The following CGN variants were observed in gnomAD, a reference collection of about 807,000 sequenced individuals.
CGN encodes the protein cingulin.
CGN carries 121 observed loss-of-function variants against 157.1 expected under a neutral mutation model. The ratio of observed to expected loss-of-function variants is 0.77; its 90% CI spans 0.66 to 0.90. The LOEUF is 0.90. Among genes scored for constraint, CGN ranks in the 40% least tolerant of loss-of-function variants. CGN has a pLI of 0.00. For synonymous variants in CGN, 535 were observed against 607.5 expected (o/e 0.88, Z 1.76); for missense variants, 1,424 against 1,520.9 (o/e 0.94, Z 1.06).
chr1:151,513,788 TAG>T (rs1344744534), intron 1 of CGN, among the ~76,000 whole-genome samples: 3 of 152,158 alleles, frequency 2.0e-5, no homozygotes, highest in African/African-American at 7.2e-5. Flanking sequence ...GGTACAGGTG[TAG>T]AGTGTTCTCC....
Position 151,524,977 on chromosome 1 carries a change from G to A in CGN, c.1614+91G>A. 9.5e-7 allele frequency: 1 copy of A among 1,049,510 alleles called. No individual in the cohort carries two copies. Among genetic ancestry groups the A allele is most frequent in the Non-Finnish European group, 1.4e-6 (1 of 711,212 alleles). The allele number at this position is 1,049,510 out of a possible 1,614,324, so 65.0% of individuals were successfully genotyped here. On this transcript the variant is annotated intron_variant, in intron 8 of 20. Coordinates refer to ENST00000271636, the MANE Select transcript of CGN (RefSeq NM_020770.3). The surrounding 1 kb of genome is among the most constrained non-coding windows in gnomAD (Gnocchi z 4.4). ...TTGGACTTTTGGACTTTTCATGGTT[G>A]CAACTGGGAACTCCCCCTCTCCTCC...
At position 151,527,055 on chromosome 1, in the gene CGN, A is replaced by G; in HGVS notation, c.1844A>G (p.Glu615Gly). Residue 615 changes from glutamate (E) to glycine (G), a missense_variant, in exon 10 of 21, where the codon GAG becomes GGG. Glu to Gly is a moderately conservative substitution (Grantham distance 98). This residue lies in a region of CGN where 1,187 missense variants were observed against 1,217.6 expected (regional missense o/e 0.97). Transcript: ENST00000271636. ...ATAGAGGTCTTGCAGAGGGAATTAG[A>G]GCAGGCCCGAGCTAGTGCTGGAGAT... ...EKIEVLQREL[E>G]QARASAGDTR... 1 of 1,614,184 alleles carries G rather than the reference A, an allele frequency of 6.2e-7. No individual in the cohort carries two copies. The highest frequency in any genetic ancestry group is 1.1e-5 in the South Asian group (1 of 91,090).
In CGN at chr1:151,519,203, G is replaced by C. The variant is rs552727413; in HGVS notation, c.684G>C (p.Glu228Asp). The C allele has an allele frequency of 6.2e-7, 1 of 1,614,114 alleles. No homozygotes were observed. Among genetic ancestry groups the C allele is most frequent in the Non-Finnish European group, 8.5e-7 (1 of 1,180,042 alleles). The change falls in exon 2 of 21, where the codon GAG becomes GAC. Residue 228 changes from glutamate to aspartate, a missense_variant. By Grantham distance (45) the Glu-to-Asp change is conservative. Transcript: ENST00000271636. Reference sequence around the variant, plus strand: ...CACGGGACACCTTTGAGGAACGGGAGCGCCAGTCCACCAACCACTGGACCT... The same window carrying C: ...CACGGGACACCTTTGAGGAACGGGACCGCCAGTCCACCAACCACTGGACCT... ...RLPRDTFEER[E>D]RQSTNHWTSS...
chr1:151,532,891 T>G (rs1664872472), intron 14 of CGN, among the ~76,000 whole-genome samples: 1 of 152,096 alleles, frequency 6.6e-6, no homozygotes, highest in Admixed American at 6.5e-5. Flanking sequence ...AATGCTAGGA[T>G]AACAGGCATG....
chr1:151,530,504 C>A lies in CGN; in HGVS notation c.2329C>A (p.Leu777Met), dbSNP rs759368041. The A allele has an allele frequency of 6.3e-7, 1 of 1,588,754 alleles. No individual in the cohort carries two copies. Among genetic ancestry groups the A allele is most frequent in the Non-Finnish European group, 8.5e-7 (1 of 1,173,440 alleles). Residue 777 changes from leucine to methionine, a missense_variant, in exon 13 of 21, where the codon CTG becomes ATG. Physicochemically the swap from Leu to Met is conservative, Grantham distance 15 (BLOSUM62 2). Around this residue, in one of 3 missense-constraint regions of CGN, gnomAD observed 1,187 missense variants for 1,217.6 expected, o/e 0.97. Transcript: ENST00000271636. The stretch of plus-strand genomic sequence containing the variant: ...TACCTCCCAGGCAGAGAAACAGCAG[C>A]TGGAGGAGGCCCTGAATGCGTCCCA... ...LQRLEAEKQQ[L>M]EEALNASQEE...
Position 151,530,502 on chromosome 1 carries a change from A to G in CGN, c.2327A>G (p.Gln776Arg), listed in dbSNP as rs147239558. 1.1e-3 allele frequency: 1,731 copies of G among 1,587,180 alleles called. 20 individuals are homozygous for G. In the African/African-American group the frequency reaches 0.015, roughly 14 times the overall value. Residue 776 changes from glutamine to arginine, a missense_variant, in exon 13 of 21, where the codon CAG becomes CGG. This residue lies in a region of CGN where 1,187 missense variants were observed against 1,217.6 expected (regional missense o/e 0.97). Transcript: ENST00000271636. ...KLQRLEAEKQ[Q>R]LEEALNASQE... ...CCTACCTCCCAGGCAGAGAAACAGC[A>G]GCTGGAGGAGGCCCTGAATGCGTCC...
intron 1 of CGN, among the ~76,000 whole-genome samples, chr1:151,516,997 TAAAAAC>T (rs1476085780): frequency 6.6e-6 from 1 of 151,096 alleles, no homozygotes; most frequent in East Asian, 2.0e-4. Context: ...CCATCTCTAC[TAAAAAC>T]AAAAATTAGC....
chr1:151,528,113 G>A (rs913725064), intron 10 of CGN, among the ~76,000 whole-genome samples: 2 of 150,536 alleles, frequency 1.3e-5, no homozygotes, highest in African/African-American at 2.4e-5. Flanking sequence ...CCACCACCAC[G>A]CCCGGCTAAT....
At chr1:151,530,199 T>A (rs1276987517) in intron 12 of CGN, 84 bp downstream of exon 12, 1 of 1,431,694 alleles carries the variant, frequency 7.0e-7, no homozygotes, top group East Asian at 2.3e-5. Context: ...CAGTTTCACT[T>A]TGCCCTTAGT....
chr1:151,538,602 ATTC>A lies in CGN; in HGVS notation c.*1261_*1263del, dbSNP rs1404354037. On this transcript the variant is annotated 3_prime_UTR_variant, in exon 21 of 21. Transcript: ENST00000271636. Reference sequence around the variant, plus strand: ...ATGTCGTGATTAAAAAAATTCCTATATTCTTCTGCAAATCAAACGTTCTTTCCC... The same window carrying A: ...ATGTCGTGATTAAAAAAATTCCTATATTCTGCAAATCAAACGTTCTTTCCC... The A allele has an allele frequency of 6.6e-6, 1 of 152,200 alleles. No individual in the cohort carries two copies. The highest frequency in any genetic ancestry group is 2.4e-5 in the African/African-American group (1 of 41,434). The allele number at this position is 152,200 out of a possible 1,614,324, so 9.4% of individuals were successfully genotyped here. A position where few individuals can be genotyped will look rare whatever the true frequency, so the allele number is the denominator to read the frequency against.
In CGN at chr1:151,519,221, C is replaced by T; in HGVS notation, c.702C>T (p.His234=). 2 of 1,614,160 alleles carry T rather than the reference C, an allele frequency of 1.2e-6. No individual in the cohort carries two copies. The highest frequency in any genetic ancestry group is 1.7e-6 in the Non-Finnish European group (2 of 1,180,038). The change falls in exon 2 of 21, where the codon CAC becomes CAT. Residue 234 remains histidine (H), a synonymous_variant. Coordinates refer to ENST00000271636, the MANE Select transcript of CGN (RefSeq NM_020770.3). ...FEERERQSTN[H]WTSSTKYDNH... Reference sequence around the variant, plus strand: ...AACGGGAGCGCCAGTCCACCAACCACTGGACCTCTAGCACAAAATATGACA... The same window carrying T: ...AACGGGAGCGCCAGTCCACCAACCATTGGACCTCTAGCACAAAATATGACA...
chr1:151,527,737 C>G (rs1222456892), intron 10 of CGN: 2 of 154,732 alleles, frequency 1.3e-5, no homozygotes, highest in African/African-American at 4.9e-5. Flanking sequence ...ACCAGAACTC[C>G]TATTTTAATT....
Position 151,524,671 on chromosome 1 carries a change from C to T in CGN, c.1402-3C>T, listed in dbSNP as rs150240290. On this transcript the variant is annotated splice_region_variant and splice_polypyrimidine_tract_variant and intron_variant, in intron 7 of 20. Coordinates refer to ENST00000271636, the MANE Select transcript of CGN (RefSeq NM_020770.3). The surrounding 1 kb of genome is among the most constrained non-coding windows in gnomAD (Gnocchi z 4.4). ...CCTGTACTTCTTCCTTTATTTTCTCCAGGACCTGTTAGAGACCCGGGAACT... is the reference window on the plus strand; with the variant it reads ...CCTGTACTTCTTCCTTTATTTTCTCTAGGACCTGTTAGAGACCCGGGAACT... The T allele has an allele frequency of 3.5e-4, 558 of 1,603,160 alleles. 4 individuals are homozygous for T. In the African/African-American group the frequency reaches 6.7e-3, roughly 19 times the overall value.
chr1:151,520,157 T>C lies in CGN; in HGVS notation c.874-9T>C. On this transcript the variant is annotated splice_polypyrimidine_tract_variant and intron_variant, in intron 2 of 20. Transcript: ENST00000271636. Reference sequence around the variant, plus strand: ...TTCTTTTTTTTTTCTTTTTCTTTTTTTTTAACAGTTCAAATCAACTCCAGA... The same window carrying C: ...TTCTTTTTTTTTTCTTTTTCTTTTTCTTTAACAGTTCAAATCAACTCCAGA... 1 of 1,589,720 alleles carries C rather than the reference T, an allele frequency of 6.3e-7. No individual in the cohort carries two copies. The highest frequency in any genetic ancestry group is 8.5e-7 in the Non-Finnish European group (1 of 1,169,942).
At position 151,529,431 on chromosome 1, in the gene CGN, CG is replaced by C; in HGVS notation, c.1981del (p.Glu661SerfsTer9). 1 of 1,613,752 alleles carries C rather than the reference CG, an allele frequency of 6.2e-7. No homozygotes were observed. Among genetic ancestry groups the C allele is most frequent in the Non-Finnish European group, 8.5e-7 (1 of 1,179,896 alleles). ...GGAGGTGGCTGGGCGACACCGGGAC[CG>C]GGAGTTGGAGAAGCAGCTGGCGGTC... The part of the protein sequence containing the change: ...SQEVAGRHRD[R>X]ELEKQLAVLR... On this transcript the variant is annotated frameshift_variant, in exon 11 of 21. Coordinates refer to ENST00000271636, the MANE Select transcript of CGN (RefSeq NM_020770.3). LOFTEE classifies it high-confidence loss of function.
Position 151,519,389 on chromosome 1 carries a change from G to A in CGN, c.870G>A (p.Leu290=). Residue 290 remains leucine (L), a synonymous_variant, in exon 2 of 21, where the codon CTG becomes CTA. Coordinates refer to ENST00000271636, the MANE Select transcript of CGN (RefSeq NM_020770.3). The part of the protein sequence containing the change: ...PRRSAQDPTM[L]QFKSTPDLLR... ...GGAGTGCACAGGACCCCACCATGCT[G>A]CAGGTCAGACCCAGCCCCTCCCTGA... 6.3e-7 allele frequency: 1 copy of A among 1,585,774 alleles called. No homozygotes were observed. The highest frequency in any genetic ancestry group is 8.5e-7 in the Non-Finnish European group (1 of 1,172,454).
At position 151,535,803 on chromosome 1, in the gene CGN, G is replaced by A. The variant is rs1664955574; in HGVS notation, c.3102G>A (p.Leu1034=). ...AGAACAAGGACCTGAAGACCCGGTT[G>A]GCCAGCTCAGAAGGCTTCCAGAAGC... ...ERQNKDLKTR[L]ASSEGFQKPS... is the part of the protein sequence containing the mutation. Residue 1034 remains leucine (L), a synonymous_variant, in exon 18 of 21, where the codon TTG becomes TTA. Transcript: ENST00000271636. 1.2e-6 allele frequency: 2 copies of A among 1,614,152 alleles called. No homozygotes were observed. Among genetic ancestry groups the A allele is most frequent in the Non-Finnish European group, 1.7e-6 (2 of 1,179,994 alleles).
At chr1:151,527,948 A>AAT in intron 10 of CGN, 1 of 120,222 alleles carries the variant, frequency 8.3e-6, no homozygotes, top group Non-Finnish European at 1.4e-5. Flanking sequence ...ATATATATAT[A>AAT]TATTTTTTTT....
At chr1:151,527,662 A>G (rs566452772) in intron 10 of CGN, among the ~76,000 whole-genome samples, 15 of 152,270 alleles carry the variant, frequency 9.9e-5, no homozygotes, top group African/African-American at 3.6e-4. Context: ...TACATATTAT[A>G]TAACCCTTTA....
Sources: allele counts gnomAD v4.1 joint callset (sites outside exome capture counted in the v4.1 genomes callset), GRCh38; gene constraint gnomAD v4.1.1; regional missense constraint gnomAD v4.1.1; non-coding constraint Gnocchi (gnomAD v3.1); transcripts MANE v1.5; gene names NCBI Gene and HGNC (gene_info 2026-07-23, HGNC 2026-07-21).